The following TRMT9B variants were observed in gnomAD, a reference collection of about 807,000 sequenced individuals.
The protein encoded by TRMT9B is probable tRNA methyltransferase 9B.
Under a neutral mutation model 11.5 loss-of-function variants are expected in TRMT9B, and 16 were observed. The observed-to-expected ratio is 1.39, with a 90% CI of 0.94 to 2.11. The LOEUF is 2.11. Ranked by LOEUF, TRMT9B falls within the 30% of genes most tolerant of loss-of-function variation. TRMT9B has a pLI of 0.00. For synonymous variants in TRMT9B, 274 were observed against 192.4 expected (o/e 1.42, Z -3.51); for missense variants, 941 against 553.8 (o/e 1.70, Z -7.02).
intron 1 of TRMT9B, among the ~76,000 whole-genome samples, chr8:12,964,677 C>G (rs183195030): frequency 6.6e-6 from 1 of 152,286 alleles, no homozygotes; most frequent in East Asian, 1.9e-4. Flanking sequence ...CGGGCTCAAG[C>G]GATCTTCCCT....
In TRMT9B at chr8:13,024,946, G is replaced by A. The variant is rs1054439636; in HGVS notation, c.*2902G>A. 2 of 166,894 alleles carry A rather than the reference G, an allele frequency of 1.2e-5. No individual in the cohort carries two copies. Among genetic ancestry groups the A allele is most frequent in the East Asian group, 1.9e-4 (1 of 5,194 alleles). The allele number at this position is 166,894 out of a possible 1,614,324, so 10.3% of individuals were successfully genotyped here. ...ATTGAAGAGCAAAACTAATGTAAAC[G>A]TCTTGATCATTTAAAAAGCTTGCTT... On this transcript the variant is annotated 3_prime_UTR_variant, in exon 5 of 5. Transcript: ENST00000524591.
intron 1 of TRMT9B, among the ~76,000 whole-genome samples, chr8:12,974,339 C>G (rs115994692): frequency 1.3e-5 from 2 of 152,114 alleles, no homozygotes; most frequent in East Asian, 3.9e-4. Context: ...CAGGTCCAAG[C>G]TGGAGATGAG....
chr8:13,014,750 A>G (rs1812306935), intron 4 of TRMT9B, among the ~76,000 whole-genome samples: 1 of 152,108 alleles, frequency 6.6e-6, no homozygotes, highest in Non-Finnish European at 1.5e-5. Flanking sequence ...CATTCCACTT[A>G]ACTAGAAATT....
chr8:12,991,103 C>A (rs1807255465), intron 2 of TRMT9B, 72 bp downstream of exon 2: 4 of 643,316 alleles, frequency 6.2e-6, no homozygotes, highest in South Asian at 6.1e-5. Flanking sequence ...ATTTAGTGAA[C>A]CTAATTCTTC....
At chr8:13,003,370 G>A (rs1429058983) in intron 2 of TRMT9B, among the ~76,000 whole-genome samples, 1 of 152,114 alleles carries the variant, frequency 6.6e-6, no homozygotes, top group African/African-American at 2.4e-5. Context: ...GCCCAAAACG[G>A]GACCTGCTCT....
In TRMT9B at chr8:13,028,032, G is replaced by C. The variant is rs1430587201; in HGVS notation, c.*5988G>C. On this transcript the variant is annotated 3_prime_UTR_variant, in exon 5 of 5. Coordinates refer to ENST00000524591, the MANE Select transcript of TRMT9B (RefSeq NM_020844.3). Reference sequence around the variant, plus strand: ...GCAAATGAAAGAGCTCAGCATGAGAGCACAATCAGAAACTGAAGAGAGTTG... The same window carrying C: ...GCAAATGAAAGAGCTCAGCATGAGACCACAATCAGAAACTGAAGAGAGTTG... 6.0e-6 allele frequency: 1 copy of C among 166,956 alleles called. No homozygotes were observed. The highest frequency in any genetic ancestry group is 1.5e-5 in the Non-Finnish European group (1 of 68,122). The allele number at this position is 166,956 out of a possible 1,614,324, so 10.3% of individuals were successfully genotyped here. A position where few individuals can be genotyped will look rare whatever the true frequency, so the allele number is the denominator to read the frequency against.
At chr8:12,996,015 T>A (rs1808270950) in intron 2 of TRMT9B, among the ~76,000 whole-genome samples, 1 of 152,120 alleles carries the variant, frequency 6.6e-6, no homozygotes. Context: ...ACAGTAACCA[T>A]GAAACAGCAA....
chr8:13,017,832 C>G (rs1813025214), intron 4 of TRMT9B, among the ~76,000 whole-genome samples: 1 of 151,182 alleles, frequency 6.6e-6, no homozygotes, highest in Non-Finnish European at 1.5e-5. Context: ...CTATGTTGCC[C>G]AGGCTGGTCT....
chr8:12,999,404 G>C (rs532998817), intron 2 of TRMT9B, among the ~76,000 whole-genome samples: 30 of 151,908 alleles, frequency 2.0e-4, no homozygotes, highest in African/African-American at 6.8e-4. Flanking sequence ...ATTATCTTGA[G>C]TGTCTTGATG....
At chr8:12,960,106 C>T (rs141445562) in intron 1 of TRMT9B, 2 of 152,260 alleles carry the variant, frequency 1.3e-5, no homozygotes, top group Admixed American at 6.5e-5. Context: ...CTTTACAGTC[C>T]TGGAAAGTAA....
intron 2 of TRMT9B, among the ~76,000 whole-genome samples, chr8:12,999,385 G>T (rs1172410612): frequency 1.3e-5 from 2 of 151,598 alleles, no homozygotes; most frequent in African/African-American, 2.4e-5. Flanking sequence ...TTGGGGGAAG[G>T]ATATGGTCAT....
At position 12,948,479 on chromosome 8, in the gene TRMT9B, ATAT is replaced by A. The variant is rs577123548; in HGVS notation, c.-200+2517_-200+2519del. The stretch of plus-strand genomic sequence containing the variant: ...TATATAACACATAATACAATAATTT[ATAT>A]TATATAAATATATTAAAATATATAA... On this transcript the variant is annotated intron_variant, in intron 1 of 4. Transcript: ENST00000524591. Among the ~76,000 whole-genome samples the A allele has an allele frequency of 1.5e-3, 216 of 148,162 alleles. 1 individual carries two copies. The highest frequency in any genetic ancestry group is 4.7e-3 in the African/African-American group (193 of 40,926).
chr8:12,998,334 C>T (rs905685198), intron 2 of TRMT9B, among the ~76,000 whole-genome samples: 2 of 152,078 alleles, frequency 1.3e-5, no homozygotes, highest in African/African-American at 4.8e-5. Flanking sequence ...CCTCTAAAAG[C>T]TTTATTGTTC....
chr8:13,006,117 G>C, intron 2 of TRMT9B, 85 bp from the exon 3 acceptor site: 1 of 1,366,802 alleles, frequency 7.3e-7, no homozygotes, highest in Non-Finnish European at 1.0e-6. Context: ...GTAGGCTCCA[G>C]ATTTTAGGAA....
At position 13,022,413 on chromosome 8, in the gene TRMT9B, G is replaced by A. The variant is rs1419901460; in HGVS notation, c.*369G>A. On this transcript the variant is annotated 3_prime_UTR_variant, in exon 5 of 5. Transcript: ENST00000524591. The stretch of plus-strand genomic sequence containing the variant: ...TGCTGTTAAATAATCTTTTAAAACG[G>A]TATTTTTATAAAGTGAGGGGATAAT... 1.1e-5 allele frequency: 2 copies of A among 178,890 alleles called. No individual in the cohort carries two copies. Among genetic ancestry groups the A allele is most frequent in the Admixed American group, 1.3e-4 (2 of 15,882 alleles). The allele number at this position is 178,890 out of a possible 1,614,324, so 11.1% of individuals were successfully genotyped here.
intron 1 of TRMT9B, chr8:12,970,162 G>A (rs1054377772): frequency 9.9e-5 from 15 of 152,118 alleles, no homozygotes; most frequent in Non-Finnish European, 2.1e-4. Context: ...TATGTGCAAA[G>A]TGTTTCACTT....
intron 4 of TRMT9B, among the ~76,000 whole-genome samples, chr8:13,020,359 A>C (rs1813586666): frequency 6.6e-6 from 1 of 152,208 alleles, no homozygotes; most frequent in Non-Finnish European, 1.5e-5. Context: ...GACTTGATAA[A>C]GGCAGTCTTA....
chr8:12,952,720 A>C, intron 1 of TRMT9B: 1 of 976,562 alleles, frequency 1.0e-6, no homozygotes, highest in Non-Finnish European at 1.2e-6. Context: ...GATTTGTATG[A>C]TATTACTTGC....
intron 1 of TRMT9B, among the ~76,000 whole-genome samples, chr8:12,953,035 G>A (rs1800840304): frequency 6.6e-6 from 1 of 152,182 alleles, no homozygotes; most frequent in African/African-American, 2.4e-5. Context: ...ACCGGGCCCG[G>A]CTGATTCTTT....
Sources: gnomAD v4.1 joint callset for allele counts (sites outside exome capture counted in the v4.1 genomes callset) on GRCh38, gnomAD v4.1.1 for gene constraint, MANE v1.5 for transcripts, NCBI Gene and HGNC (gene_info 2026-07-23, HGNC 2026-07-21) for gene names.